Variants in IFT56 observed in about 807,000 individuals in gnomAD.
IFT56 encodes the protein intraflagellar transport protein 56.
the IFT56 span, among the ~76,000 whole-genome samples, chr7:139,161,826 A>C: frequency 0.013 from 2,038 of 152,258 alleles, 38 homozygotes; most frequent in East Asian, 0.074. Context: ...TCACAGATAC[A>C]GTTTTATTTG....
At chr7:139,160,827 T>G in the IFT56 span, 1 of 648,836 alleles carries the variant, frequency 1.5e-6, no homozygotes, top group African/African-American at 1.9e-5. Flanking sequence ...TGACCTAGAG[T>G]CATGAGGATC....
the IFT56 span, among the ~76,000 whole-genome samples, chr7:139,149,304 CA>C: frequency 0.028 from 3,057 of 110,820 alleles, 70 homozygotes; most frequent in African/African-American, 0.074. Context: ...GACTCCATCT[CA>C]AAAAAAAAAA....
the IFT56 span, among the ~76,000 whole-genome samples, chr7:139,172,306 G>T: frequency 6.6e-6 from 1 of 152,152 alleles, no homozygotes; most frequent in African/African-American, 2.4e-5. Context: ...AGCAAGTGTT[G>T]TGTCAGAGCA....
chr7:139,184,819 C>T, the IFT56 span, among the ~76,000 whole-genome samples: 2,224 of 151,600 alleles, frequency 0.015, 37 homozygotes, highest in South Asian at 0.028. Flanking sequence ...CTTTGGGAGG[C>T]TGAGGCGGGC....
At chr7:139,191,727 A>G in the IFT56 span, 2 of 152,236 alleles carry the variant, frequency 1.3e-5, no homozygotes, top group Non-Finnish European at 2.9e-5. Flanking sequence ...TACTTCTGAA[A>G]TGTCTTAACA....
At chr7:139,137,035 G>A in the IFT56 span, among the ~76,000 whole-genome samples, 1 of 152,146 alleles carries the variant, frequency 6.6e-6, no homozygotes, top group African/African-American at 2.4e-5. Context: ...AATATCAAAG[G>A]GATGTCTTCA....
At chr7:139,188,193 C>T in the IFT56 span, among the ~76,000 whole-genome samples, 3 of 151,270 alleles carry the variant, frequency 2.0e-5, no homozygotes, top group South Asian at 2.1e-4. Context: ...CTCTGCCTCC[C>T]GGGTTCAAGT....
chr7:139,168,569 C>CAA, the IFT56 span: 1,731 of 378,140 alleles, frequency 4.6e-3, no homozygotes, highest in Non-Finnish European at 5.9e-3. Context: ...TATTTAGAGA[C>CAA]AAAAAAAAAA....
chr7:139,173,857 T>C, the IFT56 span: 1 of 705,112 alleles, frequency 1.4e-6, no homozygotes, highest in African/African-American at 1.8e-5. Flanking sequence ...ATTTCTATAG[T>C]TACTGTTGTT....
the IFT56 span, chr7:139,190,949 C>T: frequency 1.3e-5 from 2 of 152,254 alleles, no homozygotes; most frequent in African/African-American, 4.8e-5. Context: ...TCCCCGTAGG[C>T]ACTGTATTAG....
At chr7:139,179,036 C>G in the IFT56 span, among the ~76,000 whole-genome samples, 1 of 152,110 alleles carries the variant, frequency 6.6e-6, no homozygotes, top group Non-Finnish European at 1.5e-5. Flanking sequence ...TGATGACTAT[C>G]AGTATGTTTC....
At chr7:139,188,981 G>A in the IFT56 span, among the ~76,000 whole-genome samples, 2 of 152,262 alleles carry the variant, frequency 1.3e-5, no homozygotes, top group South Asian at 2.1e-4. Context: ...CCCAACTTCT[G>A]GATATACTCT....
chr7:139,134,875 C>T, the IFT56 span: 1 of 1,440,062 alleles, frequency 6.9e-7, no homozygotes, highest in Non-Finnish European at 9.4e-7. Flanking sequence ...TTGCTATGCT[C>T]TTGAAATAGG....
chr7:139,172,922 G>A, the IFT56 span: 4 of 718,892 alleles, frequency 5.6e-6, no homozygotes, highest in African/African-American at 5.2e-5. Flanking sequence ...TCCAGGTGCA[G>A]GAACAGCTTG....
the IFT56 span, chr7:139,187,457 G>A: frequency 6.2e-6 from 10 of 1,614,024 alleles, no homozygotes; most frequent in African/African-American, 4.0e-5. Flanking sequence ...TGAGAGGCTG[G>A]ATCCTAACCC....
At chr7:139,173,191 T>G in the IFT56 span, 39 of 568,684 alleles carry the variant, frequency 6.9e-5, no homozygotes, top group Admixed American at 2.9e-4. Context: ...TATGGCACTT[T>G]CCTTAATTGG....
At chr7:139,147,898 TG>T in the IFT56 span, among the ~76,000 whole-genome samples, 1 of 152,216 alleles carries the variant, frequency 6.6e-6, no homozygotes, top group Non-Finnish European at 1.5e-5. Flanking sequence ...CAAGCCTATG[TG>T]TCTTGTCTGT....
chr7:139,172,862 G>C, the IFT56 span: 46 of 685,572 alleles, frequency 6.7e-5, no homozygotes, highest in Non-Finnish European at 1.1e-4. Context: ...TCCTTGCTAG[G>C]AGTCAGAGGA....
chr7:139,178,191 G>T, the IFT56 span: 1 of 1,569,912 alleles, frequency 6.4e-7, no homozygotes, highest in Non-Finnish European at 8.8e-7. Context: ...ATATATGTGG[G>T]GTTTTTTTCC....
Sources: gnomAD v4.1 joint callset for allele counts (sites outside exome capture counted in the v4.1 genomes callset) on GRCh38, gnomAD v4.1.1 for gene constraint, MANE v1.5 for transcripts, NCBI Gene and HGNC (gene_info 2026-07-23, HGNC 2026-07-21) for gene names.